RIPOR1: variants seen among roughly 807,000 people sequenced by gnomAD.
The protein encoded by RIPOR1 is RHO family interacting cell polarization regulator 1.
In RIPOR1, 58 loss-of-function variants were observed where a neutral mutation model predicts 116.5. The ratio of observed to expected loss-of-function variants is 0.50; its 90% CI spans 0.40 to 0.62. The LOEUF (loss-of-function observed/expected upper bound fraction) is 0.62, where lower values mean the gene tolerates loss of function less well. Among genes scored for constraint, RIPOR1 ranks in the 20% least tolerant of loss-of-function variants. The pLI is 0.00. For synonymous variants in RIPOR1, 605 were observed against 650.0 expected (o/e 0.93, Z 1.05); for missense variants, 1,372 against 1,586.2 (o/e 0.86, Z 2.29).
intron 1 of RIPOR1, among the ~76,000 whole-genome samples, chr16:67,532,947 C>T (rs1366143500): frequency 6.6e-6 from 1 of 152,134 alleles, no homozygotes; most frequent in Non-Finnish European, 1.5e-5. Context: ...TCATCAGAAG[C>T]CCAGCTGTAG....
chr16:67,534,835 CTTT>C (rs553858194), intron 1 of RIPOR1, among the ~76,000 whole-genome samples: 18 of 78,998 alleles, frequency 2.3e-4, no homozygotes, highest in African/African-American at 8.5e-4. Flanking sequence ...TTCTTTTTTT[CTTT>C]TTTTTTTTTT....
At position 67,546,007 on chromosome 16, in the gene RIPOR1, GCTGC is replaced by G; in HGVS notation, c.3450_3453del (p.Cys1150TrpfsTer3). The G allele has an allele frequency of 6.2e-7, 1 of 1,613,334 alleles. No homozygotes were observed. ...GAGGACGTGCAGACTCGAGTGGCTG[GCTGC>G]CTGGCCCTAGGCTGCATCAAGGTGA... On this transcript the variant is annotated frameshift_variant, in exon 20 of 22. Coordinates refer to ENST00000042381, the MANE Select transcript of RIPOR1 (RefSeq NM_024519.4). LOFTEE classifies it high-confidence loss of function.
upstream of RIPOR1, among the ~76,000 whole-genome samples, chr16:67,524,152 G>A (rs567405665): frequency 3.9e-5 from 6 of 152,166 alleles, no homozygotes; most frequent in African/African-American, 9.7e-5. Context: ...CAATTTTAAC[G>A]ATTAAACGGA....
chr16:67,542,484 C>T lies in RIPOR1; in HGVS notation c.1698C>T (p.Leu566=), dbSNP rs2051018112. Reference sequence around the variant, plus strand: ...CTACCCACAGTGCTCCAAGCCCCCTCACTCACACTACTACAGGCTCCACCC... The same window carrying T: ...CTACCCACAGTGCTCCAAGCCCCCTTACTCACACTACTACAGGCTCCACCC... ...ITTTHSAPSP[L]THTTTGSTHK... is the part of the protein sequence containing the mutation. The change falls in exon 13 of 22, where the codon CTC becomes CTT. Residue 566 remains leucine (L), a synonymous_variant. Coordinates refer to ENST00000042381, the MANE Select transcript of RIPOR1 (RefSeq NM_024519.4). This position sits in a 1 kb window ranked among gnomAD's most constrained non-coding sequence, Gnocchi z 4.6. 1 of 1,613,826 alleles carries T rather than the reference C, an allele frequency of 6.2e-7. No individual in the cohort carries two copies. The highest frequency in any genetic ancestry group is 1.3e-5 in the African/African-American group (1 of 74,820).
intron 1 of RIPOR1, among the ~76,000 whole-genome samples, chr16:67,533,800 C>T (rs1297978126): frequency 2.0e-5 from 2 of 100,732 alleles, no homozygotes; most frequent in Admixed American, 1.3e-4. Context: ...GGTCCACAAG[C>T]AGTCTTTTTT....
chr16:67,542,748 C>G lies in RIPOR1; in HGVS notation c.1962C>G (p.Ala654=). The G allele has an allele frequency of 6.2e-7, 1 of 1,613,628 alleles. No individual in the cohort carries two copies. The highest frequency in any genetic ancestry group is 8.5e-7 in the Non-Finnish European group (1 of 1,179,864). The change falls in exon 13 of 22, where the codon GCC becomes GCG. Residue 654 remains alanine, a synonymous_variant. Transcript: ENST00000042381. The surrounding 1 kb of genome is among the most constrained non-coding windows in gnomAD (Gnocchi z 4.6). The part of the protein sequence containing the change: ...TPSGMGLVQT[A]TSPTHPTTSP... ...GTGGTATGGGCCTAGTCCAGACTGCCACAAGTCCCACCCATCCTACCACAA... is the reference window on the plus strand; with the variant it reads ...GTGGTATGGGCCTAGTCCAGACTGCGACAAGTCCCACCCATCCTACCACAA...
chr16:67,538,541 G>C lies in RIPOR1; in HGVS notation c.95G>C (p.Arg32Pro), dbSNP rs770755744. 7 of 1,611,972 alleles carry C rather than the reference G, an allele frequency of 4.3e-6. No individual in the cohort carries two copies. Among genetic ancestry groups the C allele is most frequent in the Admixed American group, 3.3e-5 (2 of 59,940 alleles). The change falls in exon 2 of 22, where the codon CGG (arginine) becomes CCG (proline). Residue 32 changes from arginine (R) to proline (P), a missense_variant. Physicochemically the swap from Arg to Pro is moderately radical, Grantham distance 103. Coordinates refer to ENST00000042381, the MANE Select transcript of RIPOR1 (RefSeq NM_024519.4). Reference protein sequence around the residue: ...SFAGVLGSHERGPRSFPVFSP... With the variant: ...SFAGVLGSHEPGPRSFPVFSP... The stretch of plus-strand genomic sequence containing the variant: ...GCAGGCGTCCTCGGCAGCCACGAGC[G>C]GGGGCCCAGGTACGCGGCCGCGCAG...
At position 67,531,002 on chromosome 16, in the gene RIPOR1, T is replaced by G. The variant is rs1287076765; in HGVS notation, c.-24+2088T>G. On this transcript the variant is annotated intron_variant, in intron 1 of 21. Transcript: ENST00000042381. The surrounding 1 kb of genome is among the most constrained non-coding windows in gnomAD (Gnocchi z 4.2). The stretch of plus-strand genomic sequence containing the variant: ...TCAGATGGACATTATGATGGTCATT[T>G]GTACCAACAGTTAGACATCCTAGTT... Among the ~76,000 whole-genome samples the G allele has an allele frequency of 6.6e-6, 1 of 152,128 alleles. No homozygotes were observed. Among genetic ancestry groups the G allele is most frequent in the Non-Finnish European group, 1.5e-5 (1 of 68,008 alleles).
chr16:67,525,207 A>T (rs558557795), upstream of RIPOR1, among the ~76,000 whole-genome samples: 275 of 152,250 alleles, frequency 1.8e-3, 1 homozygote, highest in Non-Finnish European at 3.3e-3. Flanking sequence ...GCACACAGAC[A>T]CAGTCCCACA....
chr16:67,539,736 G>A lies in RIPOR1; in HGVS notation c.345G>A (p.Leu115=). ...ESKRNSRLGF[L]YDLDKQVKSI... ...TCTCCCCACCCCTGCAGGGCTTCCT[G>A]TATGATCTGGACAAGGTGAGTATGC... The change falls in exon 5 of 22, where the codon CTG becomes CTA. Residue 115 remains leucine (L), a synonymous_variant. Coordinates refer to ENST00000042381, the MANE Select transcript of RIPOR1 (RefSeq NM_024519.4). 6.2e-7 allele frequency: 1 copy of A among 1,614,122 alleles called. No individual in the cohort carries two copies. The highest frequency in any genetic ancestry group is 8.5e-7 in the Non-Finnish European group (1 of 1,180,020).
chr16:67,546,568 G>A lies in RIPOR1; in HGVS notation c.*105G>A, dbSNP rs995226204. ...TGGCTCCAGATACCCCTCCCCCACA[G>A]ATTCCTAGCAATGAAAATCTAATAT... On this transcript the variant is annotated 3_prime_UTR_variant, in exon 22 of 22. Transcript: ENST00000042381. 3 of 833,590 alleles carry A rather than the reference G, an allele frequency of 3.6e-6. No homozygotes were observed. In the East Asian group the frequency reaches 7.9e-5, roughly 22 times the overall value. The allele number at this position is 833,590 out of a possible 1,614,324, so 51.6% of individuals were successfully genotyped here. A position where few individuals can be genotyped will look rare whatever the true frequency, so the allele number is the denominator to read the frequency against.
chr16:67,538,470 G>A lies in RIPOR1; in HGVS notation c.24G>A (p.Pro8=). The change falls in exon 2 of 22, where the codon CCG becomes CCA. Residue 8 remains proline, a synonymous_variant. Coordinates refer to ENST00000042381, the MANE Select transcript of RIPOR1 (RefSeq NM_024519.4). ...CTATGATGTCCCTGTCGGTGCGGCCGCAGCGCCGTCTGCTCAGCGCCCGGG... is the reference window on the plus strand; with the variant it reads ...CTATGATGTCCCTGTCGGTGCGGCCACAGCGCCGTCTGCTCAGCGCCCGGG... MMSLSVR[P]QRRLLSARVN... 1 of 1,609,596 alleles carries A rather than the reference G, an allele frequency of 6.2e-7. No homozygotes were observed. The highest frequency in any genetic ancestry group is 8.5e-7 in the Non-Finnish European group (1 of 1,178,374).
Position 67,540,380 on chromosome 16 carries a change from G to A in RIPOR1, c.631+17G>A, listed in dbSNP as rs2050942791. ...GAATGAAAGGTACTGAGTTGTGGGG[G>A]CAGGTGGGGGGCTGGAGGGAGTATG... On this transcript the variant is annotated intron_variant, in intron 8 of 21. Coordinates refer to ENST00000042381, the MANE Select transcript of RIPOR1 (RefSeq NM_024519.4). The surrounding 1 kb of genome is among the most constrained non-coding windows in gnomAD (Gnocchi z 4.7). 1 of 1,614,152 alleles carries A rather than the reference G, an allele frequency of 6.2e-7. No homozygotes were observed.
At chr16:67,522,238 T>C (rs919784870) in intron 1 of RIPOR1, among the ~76,000 whole-genome samples, 3 of 137,018 alleles carry the variant, frequency 2.2e-5, no homozygotes, top group African/African-American at 8.3e-5. Flanking sequence ...AGTCTTGCTC[T>C]GTTCCCCAGG....
At position 67,529,733 on chromosome 16, in the gene RIPOR1, G is replaced by A; in HGVS notation, c.-24+819G>A. 2 of 1,531,996 alleles carry A rather than the reference G, an allele frequency of 1.3e-6. No homozygotes were observed. The highest frequency in any genetic ancestry group is 1.7e-6 in the Non-Finnish European group (2 of 1,145,380). The allele number at this position is 1,531,996 out of a possible 1,614,324, so 94.9% of individuals were successfully genotyped here. On this transcript the variant is annotated intron_variant, in intron 1 of 21. Transcript: ENST00000042381. The surrounding 1 kb of genome is among the most constrained non-coding windows in gnomAD (Gnocchi z 4.1). The stretch of plus-strand genomic sequence containing the variant: ...CCCAGCACCTACTGTGCGCAGCCTC[G>A]TGTAACAATACTTGTGCCCTGGCTG...
Position 67,542,385 on chromosome 16 carries a change from C to CCTGTGG in RIPOR1, c.1599_1600insCTGTGG (p.Ser533_Thr534insLeuTrp), listed in dbSNP as rs761410737. 1.9e-6 allele frequency: 3 copies of CCTGTGG among 1,613,800 alleles called. No individual in the cohort carries two copies. The highest frequency in any genetic ancestry group is 2.5e-6 in the Non-Finnish European group (3 of 1,179,966). On this transcript the variant is annotated inframe_insertion, in exon 13 of 22. Transcript: ENST00000042381. The surrounding 1 kb of genome is among the most constrained non-coding windows in gnomAD (Gnocchi z 4.6). ...CACACCTAGACTCAGTTCATAAGTC[C>CCTGTGG]ACAGACTCTGGCCCTTCAGAACTGC...
chr16:67,518,581 A>T (rs1277219227), exon 1 of RIPOR1: 1 of 152,648 alleles, frequency 6.6e-6, no homozygotes, highest in Non-Finnish European at 1.5e-5. Flanking sequence ...TCATGATGGC[A>T]TCTGGGGGAG....
In RIPOR1 at chr16:67,537,505, G is replaced by A. The variant is rs1045231994; in HGVS notation, c.-23-919G>A. The A allele has an allele frequency of 1.6e-6, 2 of 1,274,578 alleles. No homozygotes were observed. The highest frequency in any genetic ancestry group is 9.9e-7 in the Non-Finnish European group (1 of 1,008,906). The allele number at this position is 1,274,578 out of a possible 1,614,324, so 79.0% of individuals were successfully genotyped here. On this transcript the variant is annotated intron_variant, in intron 1 of 21. Coordinates refer to ENST00000042381, the MANE Select transcript of RIPOR1 (RefSeq NM_024519.4). This position sits in a 1 kb window ranked among gnomAD's most constrained non-coding sequence, Gnocchi z 4.6. Reference sequence around the variant, plus strand: ...CTGGGAGCGAGCCCGGAGCCCAGCCGGGCGGCTCGAAGTGGCCAGGGCCGG... The same window carrying A: ...CTGGGAGCGAGCCCGGAGCCCAGCCAGGCGGCTCGAAGTGGCCAGGGCCGG...
Position 67,531,363 on chromosome 16 carries a change from G to A in RIPOR1, c.-24+2449G>A, listed in dbSNP as rs1199048253. 1.3e-5 allele frequency among the ~76,000 whole-genome samples: 2 copies of A among 151,202 alleles called. No homozygotes were observed. Among genetic ancestry groups the A allele is most frequent in the African/African-American group, 2.4e-5 (1 of 40,982 alleles). On this transcript the variant is annotated intron_variant, in intron 1 of 21. Transcript: ENST00000042381. This position sits in a 1 kb window ranked among gnomAD's most constrained non-coding sequence, Gnocchi z 4.2. ...CCAGGTGCTACAGGACCCCCAGAGC[G>A]CTGTGGTGAGCCAAGCAGATATGCC... is the stretch of plus-strand genomic sequence containing the variant.
Sources: gnomAD v4.1 joint callset for allele counts (sites outside exome capture counted in the v4.1 genomes callset) on GRCh38, gnomAD v4.1.1 for gene constraint, Gnocchi (gnomAD v3.1) non-coding constraint, MANE v1.5 for transcripts, NCBI Gene and HGNC (gene_info 2026-07-23, HGNC 2026-07-21) for gene names.